Variants in KLHL1 observed in about 807,000 individuals in gnomAD.
KLHL1 encodes kelch like family member 1, also known as kelch-like protein 1.
In KLHL1, 47 loss-of-function variants were observed where a neutral mutation model predicts 77.7. The ratio of observed to expected loss-of-function variants is 0.60; its 90% CI spans 0.48 to 0.77. KLHL1 has a LOEUF of 0.77. Ranked by LOEUF, KLHL1 falls within the 30% of genes least tolerant of loss-of-function variation. The pLI is 0.00. For missense variants in KLHL1, 925 were observed against 910.8 expected (o/e 1.02, Z -0.20); for synonymous variants, 360 against 325.2 (o/e 1.11, Z -1.15).
chr13:69,832,601 C>A (rs1312163865), intron 6 of KLHL1, among the ~76,000 whole-genome samples: 2 of 135,658 alleles, frequency 1.5e-5, no homozygotes, highest in African/African-American at 6.2e-5. Flanking sequence ...AAATTCTAAA[C>A]CTCACGTGGA....
intron 1 of KLHL1, among the ~76,000 whole-genome samples, chr13:69,985,737 G>A (rs1884845953): frequency 6.8e-6 from 1 of 147,882 alleles, no homozygotes; most frequent in South Asian, 2.1e-4. Flanking sequence ...CAGCCTAAGT[G>A]TTCATCAAAG....
chr13:69,774,021 T>G (rs189112750), intron 7 of KLHL1, among the ~76,000 whole-genome samples: 1 of 152,096 alleles, frequency 6.6e-6, no homozygotes. Flanking sequence ...TGTTAACTAA[T>G]TTGTTGTAAA....
chr13:69,862,378 T>C (rs1880206688), intron 5 of KLHL1, among the ~76,000 whole-genome samples: 1 of 152,072 alleles, frequency 6.6e-6, no homozygotes, highest in Non-Finnish European at 1.5e-5. Context: ...TGAAGTTCCA[T>C]TTTACCAAAG....
chr13:69,833,977 C>T (rs1437021603), intron 6 of KLHL1, among the ~76,000 whole-genome samples: 1 of 151,754 alleles, frequency 6.6e-6, no homozygotes, highest in African/African-American at 2.4e-5. Context: ...AGTGAAGTAA[C>T]CCAGCAATGG....
At chr13:69,789,730 T>G (rs955303532) in intron 7 of KLHL1, among the ~76,000 whole-genome samples, 3 of 152,198 alleles carry the variant, frequency 2.0e-5, no homozygotes, top group Non-Finnish European at 2.9e-5. Context: ...GACAATAAGT[T>G]GAGCTACTTC....
intron 5 of KLHL1, 114 bp from the exon 6 acceptor site, chr13:69,839,276 G>A (rs1299584830): frequency 3.2e-6 from 2 of 629,830 alleles, no homozygotes; most frequent in Non-Finnish European, 5.2e-6. Flanking sequence ...TGAGCAGGAT[G>A]CAGGGTGTAG....
chr13:70,099,939 G>A (rs1593743626), intron 1 of KLHL1, among the ~76,000 whole-genome samples: 1 of 151,876 alleles, frequency 6.6e-6, no homozygotes, highest in African/African-American at 2.4e-5. Context: ...CTTGATTAAT[G>A]TAGCTTCATA....
At chr13:69,851,202 A>G (rs1879675130) in intron 5 of KLHL1, among the ~76,000 whole-genome samples, 1 of 18,540 alleles carries the variant, frequency 5.4e-5, no homozygotes, top group Non-Finnish European at 2.1e-4. Flanking sequence ...ATATTTTTAT[A>G]AAATTCTGTT....
chr13:69,841,163 TC>T (rs1394590163), intron 5 of KLHL1, among the ~76,000 whole-genome samples: 5 of 151,068 alleles, frequency 3.3e-5, no homozygotes, highest in African/African-American at 1.2e-4. Flanking sequence ...TTAAACTTTT[TC>T]CCCTTCAATA....
intron 7 of KLHL1, among the ~76,000 whole-genome samples, chr13:69,792,001 G>C (rs530266018): frequency 6.6e-6 from 1 of 152,110 alleles, no homozygotes; most frequent in African/African-American, 2.4e-5. Context: ...GAGAAATAGC[G>C]AATGCATGCT....
chr13:69,712,762 T>G (rs1258359954), intron 9 of KLHL1, among the ~76,000 whole-genome samples: 1 of 11,110 alleles, frequency 9.0e-5, no homozygotes, highest in Non-Finnish European at 6.5e-4. Context: ...TGTTTTTTGT[T>G]TTTTTTTTTT....
At position 69,719,432 on chromosome 13, in the gene KLHL1, G is replaced by A; in HGVS notation, c.1952C>T (p.Ala651Val). The A allele has an allele frequency of 1.2e-6, 2 of 1,613,504 alleles. No individual in the cohort carries two copies. The highest frequency in any genetic ancestry group is 2.2e-5 in the East Asian group (1 of 44,840). ...GVATCDGFLY[A>V]VGGHDAPASN... ...AGCAGGAGCATCATGACCTCCTACT[G>A]CATAAAGAAAACCGTCACATGTGGC... Residue 651 changes from alanine to valine, a missense_variant, in exon 9 of 11, where the codon GCA becomes GTA. By Grantham distance (64) the Ala-to-Val change is moderately conservative. Coordinates refer to ENST00000377844, the MANE Select transcript of KLHL1 (RefSeq NM_020866.3).
Position 70,075,553 on chromosome 13 carries a change from CTG to C in KLHL1, c.497+31648_497+31649del, listed in dbSNP as rs201940869. On this transcript the variant is annotated intron_variant, in intron 1 of 10. Coordinates refer to ENST00000377844, the MANE Select transcript of KLHL1 (RefSeq NM_020866.3). ...ATATATTGCATACATATATATATAC[CTG>C]TGTGTGTGTATGTGTATATATATAT... Among the ~76,000 whole-genome samples, 120 of 16,610 alleles carry C rather than the reference CTG, an allele frequency of 7.2e-3. 3 individuals carry two copies. Among genetic ancestry groups the C allele is most frequent in the African/African-American group, 0.019 (103 of 5,402 alleles). 10.9% of individuals were successfully genotyped at this position (16,610 alleles called of 152,430 possible).
At chr13:69,998,700 A>G (rs1885216451) in intron 1 of KLHL1, among the ~76,000 whole-genome samples, 1 of 151,920 alleles carries the variant, frequency 6.6e-6, no homozygotes, top group African/African-American at 2.4e-5. Context: ...TAAACAACTA[A>G]TTTCTGTAGG....
rs200405861 is a variant in KLHL1 at position 69,873,618 on chromosome 13, CCAGA to C, written c.1227+8661_1227+8664del. On this transcript the variant is annotated intron_variant, in intron 5 of 10. Transcript: ENST00000377844. ...AAAGTATAAAGATTTCTCTCACATTCCAGACAAATAACATATCAACAGATAGGAG... is the reference window on the plus strand; with the variant it reads ...AAAGTATAAAGATTTCTCTCACATTCCAAATAACATATCAACAGATAGGAG... Among the ~76,000 whole-genome samples the C allele has an allele frequency of 1.3e-3, 195 of 152,204 alleles. 1 individual carries two copies. In the East Asian group the frequency reaches 0.03, roughly 23 times the overall value.
At chr13:69,861,785 T>TG (rs1555274909) in intron 5 of KLHL1, among the ~76,000 whole-genome samples, 1 of 86,016 alleles carries the variant, frequency 1.2e-5, no homozygotes, top group African/African-American at 4.7e-5. Flanking sequence ...CCGTCTCTAC[T>TG]AAAAAAAAAA....
intron 9 of KLHL1, among the ~76,000 whole-genome samples, chr13:69,717,675 G>A (rs1257229060): frequency 6.6e-6 from 1 of 152,102 alleles, no homozygotes; most frequent in African/African-American, 2.4e-5. Context: ...GGTAAAAGTA[G>A]GAGGCTCATC....
intron 1 of KLHL1, among the ~76,000 whole-genome samples, chr13:70,087,142 G>A (rs1054990846): frequency 1.3e-5 from 2 of 152,164 alleles, no homozygotes; most frequent in African/African-American, 4.8e-5. Context: ...ACTACTGTAA[G>A]TGAAAGAAAC....
intron 7 of KLHL1, among the ~76,000 whole-genome samples, chr13:69,752,995 G>A (rs1181203579): frequency 6.6e-6 from 1 of 152,112 alleles, no homozygotes; most frequent in Admixed American, 6.6e-5. Context: ...TAAGACGTGG[G>A]TCTTCCTGAA....
Sources: gnomAD v4.1 joint callset for allele counts (sites outside exome capture counted in the v4.1 genomes callset) on GRCh38, gnomAD v4.1.1 for gene constraint, MANE v1.5 for transcripts, NCBI Gene and HGNC (gene_info 2026-07-23, HGNC 2026-07-21) for gene names.